CCBE1: variants seen among roughly 807,000 people sequenced by gnomAD.
The protein encoded by CCBE1 is collagen and calcium binding EGF domains 1.
A neutral mutation model predicts 50.0 loss-of-function variants in CCBE1; 37 were observed. The observed-to-expected ratio is 0.74, with a 90% CI of 0.57 to 0.97. The LOEUF (loss-of-function observed/expected upper bound fraction) is 0.97, where lower values mean the gene tolerates loss of function less well. Among genes scored for constraint, CCBE1 ranks in the 50% least tolerant of loss-of-function variants. CCBE1 has a pLI of 0.00. For missense variants in CCBE1, 538 were observed against 523.8 expected (o/e 1.03, Z -0.26); for synonymous variants, 234 against 203.7 (o/e 1.15, Z -1.27).
chr18:59,571,119 G>T (rs2163105), intron 2 of CCBE1, among the ~76,000 whole-genome samples: 11,856 of 152,176 alleles, frequency 0.078, 629 homozygotes, highest in Non-Finnish European at 0.11. Flanking sequence ...AGTAGAGCAA[G>T]CCAGAATTAA....
chr18:59,448,182 G>A, intron 6 of CCBE1, 79 bp from the exon 7 acceptor site: 1 of 1,593,264 alleles, frequency 6.3e-7, no homozygotes, highest in Non-Finnish European at 8.5e-7. Context: ...GGGAGAAGCT[G>A]CAAAGCCTTT....
intron 3 of CCBE1, among the ~76,000 whole-genome samples, chr18:59,479,608 A>G (rs1314814470): frequency 1.3e-5 from 2 of 152,238 alleles, no homozygotes; most frequent in Non-Finnish European, 2.9e-5. Flanking sequence ...AGTAACCTGA[A>G]CTTGCCCAAG....
chr18:59,487,566 G>T (rs1022595572), intron 2 of CCBE1, among the ~76,000 whole-genome samples: 8 of 152,060 alleles, frequency 5.3e-5, no homozygotes, highest in African/African-American at 1.9e-4. Context: ...CAAACGTTAA[G>T]AGTATCATGG....
intron 2 of CCBE1, among the ~76,000 whole-genome samples, chr18:59,492,419 C>T (rs1913155285): frequency 6.6e-6 from 1 of 152,106 alleles, no homozygotes; most frequent in Non-Finnish European, 1.5e-5. Flanking sequence ...CCCAGCCTCT[C>T]ATCCCACCAG....
At chr18:59,644,275 C>T (rs1411517995) in intron 2 of CCBE1, among the ~76,000 whole-genome samples, 1 of 152,206 alleles carries the variant, frequency 6.6e-6, no homozygotes, top group Non-Finnish European at 1.5e-5. Flanking sequence ...CCCTCACCTG[C>T]CACTCAGCTC....
intron 4 of CCBE1, among the ~76,000 whole-genome samples, chr18:59,468,026 T>A (rs968520810): frequency 2.6e-5 from 4 of 152,290 alleles, no homozygotes; most frequent in African/African-American, 7.2e-5. Context: ...GAGATGAAGT[T>A]GAAATCAGAG....
At chr18:59,697,628 G>A (rs1279137820), upstream of CCBE1, 1 of 431,820 alleles carries the variant, frequency 2.3e-6, no homozygotes, top group Non-Finnish European at 4.2e-6. Context: ...GTCTCGTCGG[G>A]ACGTTCACGT....
chr18:59,461,450 AC>A (rs1165257615), intron 5 of CCBE1, among the ~76,000 whole-genome samples: 1 of 144,896 alleles, frequency 6.9e-6, no homozygotes, highest in Admixed American at 6.7e-5. Context: ...GCTTCCCTCT[AC>A]CCTTCTCTCT....
At position 59,448,007 on chromosome 18, in the gene CCBE1, G is replaced by A; in HGVS notation, c.751C>T (p.Leu251=). ...SNTYLPGPPG[L]PGGQGPPGSP... ...CCGGGAGGGCCCTGGCCCCCAGGCA[G>A]GCCAGGAGGTCCTGGAAGGTAGGTG... is the stretch of plus-strand genomic sequence containing the variant. The change falls in exon 7 of 11, where the codon CTG becomes TTG. Residue 251 remains leucine (L), a synonymous_variant. Transcript: ENST00000439986. 1 of 1,614,236 alleles carries A rather than the reference G, an allele frequency of 6.2e-7. No homozygotes were observed. Among genetic ancestry groups the A allele is most frequent in the Non-Finnish European group, 8.5e-7 (1 of 1,180,038 alleles).
intron 2 of CCBE1, among the ~76,000 whole-genome samples, chr18:59,524,827 G>C (rs535364222): frequency 6.6e-6 from 1 of 152,108 alleles, no homozygotes; most frequent in African/African-American, 2.4e-5. Flanking sequence ...GCTCCTACTT[G>C]TAAGTGAGAA....
chr18:59,619,288 C>T (rs1048403157), intron 2 of CCBE1, among the ~76,000 whole-genome samples: 3 of 152,052 alleles, frequency 2.0e-5, no homozygotes, highest in Admixed American at 2.0e-4. Context: ...AATTGAAAGC[C>T]AGGTGTATTT....
chr18:59,537,958 TA>T (rs1344688725), intron 2 of CCBE1, among the ~76,000 whole-genome samples: 2 of 152,218 alleles, frequency 1.3e-5, no homozygotes. Flanking sequence ...CGAGTTACTT[TA>T]AAACTCCTTG....
chr18:59,594,306 T>C (rs2053319129), intron 2 of CCBE1, among the ~76,000 whole-genome samples: 1 of 152,204 alleles, frequency 6.6e-6, no homozygotes, highest in Admixed American at 6.5e-5. Flanking sequence ...AGAGATCTAA[T>C]TACAATATTT....
intron 2 of CCBE1, among the ~76,000 whole-genome samples, chr18:59,595,114 C>CAAAAAAAAAAAAAAAGAAAAAAAAAA (rs2053332101): frequency 1.4e-5 from 1 of 73,580 alleles, no homozygotes; most frequent in Admixed American, 1.6e-4. Context: ...GACTCTGTCT[C>CAAAAAAAAAAAAAAAGAAAAAAAAAA]AAAAAAAAAA....
intron 2 of CCBE1, among the ~76,000 whole-genome samples, chr18:59,569,522 G>A (rs1435280698): frequency 3.3e-5 from 5 of 151,926 alleles, no homozygotes; most frequent in African/African-American, 1.2e-4. Flanking sequence ...GGAAGTAGCT[G>A]AAATAACACA....
At chr18:59,693,391 C>CT (rs531332505) in intron 2 of CCBE1, among the ~76,000 whole-genome samples, 194 of 152,218 alleles carry the variant, frequency 1.3e-3, no homozygotes, top group African/African-American at 4.2e-3. Flanking sequence ...TGTGTGAAGG[C>CT]TTTTGGTCTC....
At chr18:59,664,287 T>C (rs948992582) in intron 2 of CCBE1, among the ~76,000 whole-genome samples, 1 of 152,062 alleles carries the variant, frequency 6.6e-6, no homozygotes, top group Admixed American at 6.6e-5. Context: ...GGTTTCAACA[T>C]GTAAGTTTTG....
At chr18:59,642,842 G>A (rs1439605649) in intron 2 of CCBE1, among the ~76,000 whole-genome samples, 3 of 151,548 alleles carry the variant, frequency 2.0e-5, no homozygotes, top group Non-Finnish European at 4.4e-5. Context: ...CCAGCTATTC[G>A]GGAGGCTGAG....
intron 2 of CCBE1, among the ~76,000 whole-genome samples, chr18:59,625,386 G>A (rs750680878): frequency 2.2e-4 from 32 of 145,114 alleles, no homozygotes; most frequent in East Asian, 4.0e-4. Context: ...AGCCAAGATC[G>A]CGCCACTGCG....
Sources: gnomAD v4.1 joint callset for allele counts (sites outside exome capture counted in the v4.1 genomes callset) on GRCh38, gnomAD v4.1.1 for gene constraint, MANE v1.5 for transcripts, NCBI Gene and HGNC (gene_info 2026-07-23, HGNC 2026-07-21) for gene names.